The following CFAP54 variants were observed in gnomAD, a reference collection of about 807,000 sequenced individuals.
CFAP54 encodes the protein cilia- and flagella-associated protein 54.
CFAP54 carries 290 observed loss-of-function variants against 370.4 expected under a neutral mutation model. That is an observed-to-expected ratio of 0.78 (90% CI 0.71 to 0.86). CFAP54 has a LOEUF of 0.86. Among genes scored for constraint, CFAP54 ranks in the 40% least tolerant of loss-of-function variants. CFAP54 has a pLI of 0.00. For synonymous variants in CFAP54, 1,206 were observed against 1,236.5 expected (o/e 0.98, Z 0.52); for missense variants, 3,399 against 3,528.7 (o/e 0.96, Z 0.93).
intron 26 of CFAP54, among the ~76,000 whole-genome samples, chr12:96,612,455 C>A (rs1269313635): frequency 1.3e-5 from 2 of 152,056 alleles, no homozygotes; most frequent in African/African-American, 2.4e-5. Context: ...TAAAGACCAT[C>A]GATGCTAGGA....
chr12:96,845,027 T>G (rs536040871), intron 66 of CFAP54, among the ~76,000 whole-genome samples: 37 of 152,260 alleles, frequency 2.4e-4, no homozygotes, highest in Non-Finnish European at 4.4e-4. Flanking sequence ...ATTGAATTTC[T>G]TCATATTTAA....
chr12:96,541,845 TTTC>T (rs1955577489), intron 14 of CFAP54, among the ~76,000 whole-genome samples: 1 of 152,146 alleles, frequency 6.6e-6, no homozygotes, highest in Non-Finnish European at 1.5e-5. Flanking sequence ...CCTTTCTCTT[TTTC>T]TTCTTATCCT....
intron 26 of CFAP54, among the ~76,000 whole-genome samples, chr12:96,621,214 CAAGAT>C (rs1253433276): frequency 2.0e-5 from 3 of 152,120 alleles, no homozygotes; most frequent in Admixed American, 1.3e-4. Flanking sequence ...GAAAGCAACT[CAAGAT>C]AAGAAGTGGT....
At chr12:96,766,431 C>G (rs547387802) in intron 60 of CFAP54, among the ~76,000 whole-genome samples, 1 of 152,118 alleles carries the variant, frequency 6.6e-6, no homozygotes, top group Non-Finnish European at 1.5e-5. Context: ...CAGGGCAGTT[C>G]GGCAGCCCAG....
At chr12:96,669,550 G>A (rs1489282087) in intron 39 of CFAP54, among the ~76,000 whole-genome samples, 1 of 152,048 alleles carries the variant, frequency 6.6e-6, no homozygotes, top group Non-Finnish European at 1.5e-5. Context: ...ATGTCCACAG[G>A]ACTGTGATCC....
intron 46 of CFAP54, among the ~76,000 whole-genome samples, chr12:96,703,812 A>T (rs576546640): frequency 1.3e-5 from 2 of 152,310 alleles, no homozygotes; most frequent in East Asian, 3.9e-4. Context: ...GGGAGTGTAA[A>T]TTGAGCCAGA....
At chr12:96,577,165 T>A (rs79336595) in intron 20 of CFAP54, among the ~76,000 whole-genome samples, 1 of 152,052 alleles carries the variant, frequency 6.6e-6, no homozygotes, top group African/African-American at 2.4e-5. Context: ...GGCAGCAGAG[T>A]GTGTAAAATT....
At chr12:96,860,726 A>G (rs1165110739) in intron 66 of CFAP54, 93 bp from the exon 67 acceptor site, 1 of 1,268,276 alleles carries the variant, frequency 7.9e-7, no homozygotes. Context: ...TCTTTCATAT[A>G]AAATTATTAG....
At chr12:96,703,080 GA>G (rs1472877024) in intron 46 of CFAP54, among the ~76,000 whole-genome samples, 2 of 151,982 alleles carry the variant, frequency 1.3e-5, no homozygotes, top group East Asian at 3.9e-4. Context: ...TCAAAGAAGG[GA>G]AAAATTTTTA....
rs1346614227 is a variant in CFAP54, at chr12:96,564,322, A to T, written c.2411-146A>T. On this transcript the variant is annotated intron_variant, in intron 17 of 67. Transcript: ENST00000524981. Reference sequence around the variant, plus strand: ...ATTTGATAAAACTGCATTATAGTAGATTTATATGAATTTTTATCTATTAAT... The same window carrying T: ...ATTTGATAAAACTGCATTATAGTAGTTTTATATGAATTTTTATCTATTAAT... 10 of 488,030 alleles carry T rather than the reference A, an allele frequency of 2.0e-5. No individual in the cohort carries two copies. The East Asian group carries it at 3.2e-4, about 15-fold the overall frequency. The allele number at this position is 488,030 out of a possible 1,614,324, so 30.2% of individuals were successfully genotyped here.
At chr12:96,504,408 C>T (rs1043702184) in intron 3 of CFAP54, among the ~76,000 whole-genome samples, 1 of 152,110 alleles carries the variant, frequency 6.6e-6, no homozygotes, top group Non-Finnish European at 1.5e-5. Context: ...AAAAGCGACT[C>T]AAGATTAAAC....
At chr12:96,551,449 TAAG>T (rs1955692832) in intron 15 of CFAP54, among the ~76,000 whole-genome samples, 1 of 151,292 alleles carries the variant, frequency 6.6e-6, no homozygotes, top group African/African-American at 2.4e-5. Context: ...TTGGGTTACT[TAAG>T]AACCTTCCTG....
chr12:96,808,378 A>G (rs976962241), intron 63 of CFAP54, among the ~76,000 whole-genome samples: 1 of 152,110 alleles, frequency 6.6e-6, no homozygotes, highest in Non-Finnish European at 1.5e-5. Context: ...TGTCAGATGA[A>G]CACATCTTCC....
Position 96,720,389 on chromosome 12 carries a change from G to A in CFAP54, c.6805-16G>A, listed in dbSNP as rs1174561262. On this transcript the variant is annotated splice_polypyrimidine_tract_variant and intron_variant, in intron 49 of 67. Transcript: ENST00000524981. ...TTATTTCTGAACTCACGTGATGTATGGTATCCTTTCCTTAGTCGATGTTAC... is the reference window on the plus strand; with the variant it reads ...TTATTTCTGAACTCACGTGATGTATAGTATCCTTTCCTTAGTCGATGTTAC... 5 of 1,445,822 alleles carry A rather than the reference G, an allele frequency of 3.5e-6. No homozygotes were observed. Among genetic ancestry groups the A allele is most frequent in the Non-Finnish European group, 4.6e-6 (5 of 1,088,152 alleles). 89.6% of individuals were successfully genotyped at this position (1,445,822 alleles called of 1,614,324 possible).
intron 4 of CFAP54, among the ~76,000 whole-genome samples, chr12:96,508,406 C>T (rs1955130316): frequency 6.6e-6 from 1 of 151,508 alleles, no homozygotes; most frequent in South Asian, 2.1e-4. Context: ...CTGCCTCAGC[C>T]TCCCGAGTAG....
rs117779403 is a variant in CFAP54, at chr12:96,504,874, G to A, written c.567+845G>A. Among the ~76,000 whole-genome samples the A allele has an allele frequency of 8.6e-4, 131 of 152,162 alleles. 2 individuals are homozygous for A. In the East Asian group the frequency reaches 0.021, roughly 25 times the overall value. On this transcript the variant is annotated intron_variant, in intron 3 of 67. Coordinates refer to ENST00000524981, the MANE Select transcript of CFAP54 (RefSeq NM_001306084.2). ...GGTCTCTCCTACTCCCCTTTTTGTA[G>A]CCTTGACCCCCTACCTTCTGCTTTT...
intron 19 of CFAP54, among the ~76,000 whole-genome samples, chr12:96,568,505 G>C (rs769704286): frequency 6.6e-6 from 1 of 152,032 alleles, no homozygotes; most frequent in Non-Finnish European, 1.5e-5. Context: ...AGTCCTCAGG[G>C]TACTCTCCTA....
chr12:96,516,802 G>T (rs969736627), intron 5 of CFAP54, among the ~76,000 whole-genome samples: 1 of 152,078 alleles, frequency 6.6e-6, no homozygotes, highest in South Asian at 2.1e-4. Context: ...ATTATTTCAC[G>T]TACCATTACA....
At chr12:96,742,359 A>T (rs1268349708) in intron 51 of CFAP54, 80 bp from the exon 52 acceptor site, 6 of 1,056,028 alleles carry the variant, frequency 5.7e-6, no homozygotes, top group South Asian at 3.1e-5. Flanking sequence ...ATGCCTTTTA[A>T]ACTTACATTA....
Sources: allele counts gnomAD v4.1 joint callset (sites outside exome capture counted in the v4.1 genomes callset), GRCh38; gene constraint gnomAD v4.1.1; transcripts MANE v1.5; gene names NCBI Gene and HGNC (gene_info 2026-07-23, HGNC 2026-07-21).